DLGAP2: variants seen among roughly 807,000 people sequenced by gnomAD.
DLGAP2 encodes disks large-associated protein 2.
A neutral mutation model predicts 100.3 loss-of-function variants in DLGAP2; 26 were observed. The ratio of observed to expected loss-of-function variants is 0.26; its 90% CI spans 0.19 to 0.36. DLGAP2 has a LOEUF of 0.36. Among genes scored for constraint, DLGAP2 ranks in the 10% least tolerant of loss-of-function variants. DLGAP2 has a pLI of 1.00. For missense variants in DLGAP2, 1,858 were observed against 1,453.2 expected (o/e 1.28, Z -4.53); for synonymous variants, 886 against 630.1 (o/e 1.41, Z -6.08).
intron 3 of DLGAP2, among the ~76,000 whole-genome samples, chr8:1,313,636 C>T (rs1800662312): frequency 1.3e-5 from 2 of 152,324 alleles, no homozygotes; most frequent in Admixed American, 6.5e-5. Context: ...TGGATTCAGG[C>T]TTCACAGCGG....
At position 795,616 on chromosome 8, in the gene DLGAP2, T is replaced by TGTCCAGTGAGAGCAGGC. The variant is rs1323585914; in HGVS notation, c.18+57825_18+57841dup. On this transcript the variant is annotated intron_variant, in intron 1 of 14. Transcript: ENST00000637795. ...ACTCACAGGTCCGTCATGGAGCAGG[T>TGTCCAGTGAGAGCAGGC]GTCCAGTGAGAGCAGGCGTCCAGTG... 2.3e-3 allele frequency among the ~76,000 whole-genome samples: 337 copies of TGTCCAGTGAGAGCAGGC among 147,820 alleles called. 21 individuals carry two copies. Among genetic ancestry groups the TGTCCAGTGAGAGCAGGC allele is most frequent in the African/African-American group, 6.8e-3 (276 of 40,304 alleles).
intron 3 of DLGAP2, among the ~76,000 whole-genome samples, chr8:1,328,800 C>T (rs767956056): frequency 3.9e-5 from 6 of 152,300 alleles, no homozygotes; most frequent in African/African-American, 9.6e-5. Context: ...GCTTACGTAT[C>T]GGGGTGTTTA....
chr8:914,029 C>A, intron 2 of DLGAP2, among the ~76,000 whole-genome samples: 1 of 152,258 alleles, frequency 6.6e-6, no homozygotes, highest in Non-Finnish European at 1.5e-5. Flanking sequence ...GGTATTTACA[C>A]ATACAAGATT....
At chr8:1,142,560 C>T (rs1393586003) in intron 2 of DLGAP2, among the ~76,000 whole-genome samples, 1 of 152,136 alleles carries the variant, frequency 6.6e-6, no homozygotes, top group South Asian at 2.1e-4. Context: ...GCATTTCTGA[C>T]GTGAAGAGCT....
At chr8:1,431,349 G>C (rs1370609054) in intron 3 of DLGAP2, among the ~76,000 whole-genome samples, 1 of 152,210 alleles carries the variant, frequency 6.6e-6, no homozygotes, top group African/African-American at 2.4e-5. Flanking sequence ...TTATTCATCT[G>C]TTCATTCATT....
Position 1,613,744 on chromosome 8 carries a change from T to C in DLGAP2, c.1443-12996T>C, listed in dbSNP as rs116837978. On this transcript the variant is annotated intron_variant, in intron 6 of 14. Coordinates refer to ENST00000637795, the MANE Select transcript of DLGAP2 (RefSeq NM_001346810.2). ...GTAAAGCCCTTTTTCGAGAACCTGT[T>C]CTGTACTGCTTCGGACAGATGTAGG... Among the ~76,000 whole-genome samples, 914 of 152,284 alleles carry C rather than the reference T, an allele frequency of 6.0e-3. 8 individuals are homozygous for C. Among genetic ancestry groups the C allele is most frequent in the African/African-American group, 0.021 (858 of 41,548 alleles).
chr8:1,487,541 C>T (rs1288900529), intron 3 of DLGAP2, among the ~76,000 whole-genome samples: 1 of 152,204 alleles, frequency 6.6e-6, no homozygotes, highest in Non-Finnish European at 1.5e-5. Flanking sequence ...TAAAACAGTG[C>T]TACTGAAGTG....
chr8:1,420,372 C>A (rs530762991), intron 3 of DLGAP2, among the ~76,000 whole-genome samples: 1 of 152,154 alleles, frequency 6.6e-6, no homozygotes, highest in Non-Finnish European at 1.5e-5. Flanking sequence ...GATAAATACA[C>A]GTAAATGAAG....
At chr8:1,670,149 C>T (rs894444822) in intron 10 of DLGAP2, among the ~76,000 whole-genome samples, 1 of 152,256 alleles carries the variant, frequency 6.6e-6, no homozygotes, top group East Asian at 1.9e-4. Flanking sequence ...TCCTCAGCCA[C>T]CTCCCACAGG....
At chr8:1,311,912 T>G (rs993477704) in intron 3 of DLGAP2, among the ~76,000 whole-genome samples, 7 of 152,208 alleles carry the variant, frequency 4.6e-5, no homozygotes, top group African/African-American at 1.7e-4. Context: ...CAAAGACTGA[T>G]ACAACTGCCA....
chr8:1,137,342 T>C (rs1278198639), intron 2 of DLGAP2: 2 of 152,760 alleles, frequency 1.3e-5, no homozygotes, highest in African/African-American at 4.8e-5. Flanking sequence ...GCACCAAATA[T>C]GGATTTGGGG....
chr8:1,439,429 T>A (rs1797761408), intron 3 of DLGAP2, among the ~76,000 whole-genome samples: 1 of 152,038 alleles, frequency 6.6e-6, no homozygotes, highest in Non-Finnish European at 1.5e-5. Flanking sequence ...CCTCTCTAGT[T>A]CCTCACGGGA....
chr8:1,622,826 C>T (rs1797381104), intron 6 of DLGAP2, among the ~76,000 whole-genome samples: 1 of 152,208 alleles, frequency 6.6e-6, no homozygotes, highest in Non-Finnish European at 1.5e-5. Flanking sequence ...ACCAAAGGGG[C>T]TGAAAGTCAA....
In DLGAP2 at chr8:1,053,899, T is replaced by A. The variant is rs572138364; in HGVS notation, c.73+145933T>A. 2.0e-5 allele frequency among the ~76,000 whole-genome samples: 3 copies of A among 152,338 alleles called. No homozygotes were observed. The East Asian group carries it at 5.8e-4, about 29-fold the overall frequency. ...TCTGCAGTGCTTTTAGAGCAAGTAC[T>A]GTTGAGTTTATATTTTCCAAAAGAT... On this transcript the variant is annotated intron_variant, in intron 2 of 14. Coordinates refer to ENST00000637795, the MANE Select transcript of DLGAP2 (RefSeq NM_001346810.2).
chr8:1,267,592 ATAAGATAAG>A (rs1799486484), intron 3 of DLGAP2, among the ~76,000 whole-genome samples: 4 of 40,352 alleles, frequency 9.9e-5, no homozygotes, highest in African/African-American at 3.0e-4. Flanking sequence ...ATAAAATAAG[ATAAGATAAG>A]ATAAGATAAG....
intron 3 of DLGAP2, among the ~76,000 whole-genome samples, chr8:1,458,131 C>T (rs995939639): frequency 6.6e-6 from 1 of 151,034 alleles, no homozygotes; most frequent in Non-Finnish European, 1.5e-5. Flanking sequence ...TGGTCTTGAT[C>T]TCCTGACCTC....
At chr8:1,161,933 T>G (rs749364317) in intron 2 of DLGAP2, among the ~76,000 whole-genome samples, 78 of 152,190 alleles carry the variant, frequency 5.1e-4, no homozygotes, top group Non-Finnish European at 9.3e-4. Flanking sequence ...AGAGAGGAGA[T>G]CCGTGTGCCA....
intron 1 of DLGAP2, among the ~76,000 whole-genome samples, chr8:800,198 C>G (rs560468376): frequency 6.6e-6 from 1 of 152,150 alleles, no homozygotes; most frequent in African/African-American, 2.4e-5. Context: ...CTGCCAGGCT[C>G]CAGGCCTGCG....
chr8:1,142,938 T>C (rs1235108240), intron 2 of DLGAP2, among the ~76,000 whole-genome samples: 1 of 152,166 alleles, frequency 6.6e-6, no homozygotes, highest in East Asian at 1.9e-4. Flanking sequence ...TCAGAATTGC[T>C]CGTCATGTTC....
Sources: gnomAD v4.1 joint callset for allele counts (sites outside exome capture counted in the v4.1 genomes callset) on GRCh38, gnomAD v4.1.1 for gene constraint, MANE v1.5 for transcripts, NCBI Gene and HGNC (gene_info 2026-07-23, HGNC 2026-07-21) for gene names.